XKR9: variants seen among roughly 807,000 people sequenced by gnomAD.
The protein encoded by XKR9 is XK-related protein 9.
In XKR9, 32 loss-of-function variants were observed where a neutral mutation model predicts 32.0. That is an observed-to-expected ratio of 1.00 (90% CI 0.76 to 1.34). XKR9 has a LOEUF of 1.34. Among genes scored for constraint, XKR9 ranks in the 40% most tolerant of loss-of-function variants. The probability of loss-of-function intolerance (pLI) is 0.00; values close to 1 mark genes in which losing one functional copy is unlikely to be tolerated. For missense variants in XKR9, 546 were observed against 429.7 expected, an observed-to-expected ratio of 1.27 and a Z score of -2.39; for synonymous variants, 168 against 143.4, an observed-to-expected ratio of 1.17 and a Z score of -1.22.
the XKR9 span, among the ~76,000 whole-genome samples, chr8:70,907,968 T>C: frequency 1.3e-5 from 2 of 152,234 alleles, no homozygotes; most frequent in East Asian, 3.8e-4. Flanking sequence ...AATTGTTTTT[T>C]CATGACAATT....
rs556958808 is a variant in XKR9, at chr8:70,710,699, A to G, written c.493+3546A>G. ...AACCTGGGTGACAGAGCGAGACTCC[A>G]TCTCAAACAACAACAACAACAACAA... On this transcript the variant is annotated intron_variant, in intron 4 of 4. Coordinates refer to ENST00000408926, the MANE Select transcript of XKR9 (RefSeq NM_001011720.2). Among the ~76,000 whole-genome samples, 57 of 133,476 alleles carry G rather than the reference A, an allele frequency of 4.3e-4. 2 individuals are homozygous for G. The South Asian group carries it at 9.8e-3, about 23-fold the overall frequency. The allele number at this position is 133,476 out of a possible 152,430, so 87.6% of individuals were successfully genotyped here.
the XKR9 span, among the ~76,000 whole-genome samples, chr8:70,896,621 A>G: frequency 6.6e-6 from 1 of 151,610 alleles, no homozygotes; most frequent in Admixed American, 6.6e-5. Flanking sequence ...ACCAGCTTTC[A>G]GTTCATTGAT....
chr8:70,798,920 G>A, the XKR9 span, among the ~76,000 whole-genome samples: 1 of 152,116 alleles, frequency 6.6e-6, no homozygotes, highest in African/African-American at 2.4e-5. Flanking sequence ...GTCTGTTTTT[G>A]TACCAGTACC....
chr8:70,727,899 C>T (rs1806529426), intron 4 of XKR9, among the ~76,000 whole-genome samples: 1 of 151,656 alleles, frequency 6.6e-6, no homozygotes, highest in Non-Finnish European at 1.5e-5. Context: ...AAGTGCAGGT[C>T]TGCAAAATAT....
chr8:70,722,615 A>G (rs1382866634), intron 4 of XKR9, among the ~76,000 whole-genome samples: 2 of 152,186 alleles, frequency 1.3e-5, no homozygotes, highest in Non-Finnish European at 2.9e-5. Context: ...AAAATGTTGA[A>G]TATTGGCTCC....
the XKR9 span, among the ~76,000 whole-genome samples, chr8:70,845,641 A>T: frequency 1.3e-5 from 2 of 152,190 alleles, no homozygotes; most frequent in Non-Finnish European, 2.9e-5. Context: ...TCAATGAATG[A>T]AACAAAAAAG....
chr8:70,767,562 G>C, intron 2 of XKR9, among the ~76,000 whole-genome samples: 1 of 129,844 alleles, frequency 7.7e-6, no homozygotes, highest in East Asian at 2.5e-4. Context: ...GCAGTGGTAT[G>C]ATCTTGGTTC....
chr8:70,992,470 C>T, the XKR9 span, among the ~76,000 whole-genome samples: 1 of 152,136 alleles, frequency 6.6e-6, no homozygotes, highest in African/African-American at 2.4e-5. Context: ...ATTATTACTT[C>T]AAGCATTGTG....
intron 2 of XKR9, chr8:70,678,231 T>G (rs1669711462): frequency 6.6e-6 from 1 of 152,224 alleles, no homozygotes; most frequent in African/African-American, 2.4e-5. Context: ...TATGCTTTAT[T>G]TTTTCCATAG....
At chr8:70,975,321 C>G in the XKR9 span, among the ~76,000 whole-genome samples, 1 of 152,172 alleles carries the variant, frequency 6.6e-6, no homozygotes, top group African/African-American at 2.4e-5. Context: ...TTGCCCATGC[C>G]TATGTCCTGA....
the XKR9 span, among the ~76,000 whole-genome samples, chr8:71,017,734 A>T: frequency 2.2e-3 from 329 of 152,330 alleles, no homozygotes; most frequent in Middle Eastern, 0.034. Flanking sequence ...TCATGAGCTC[A>T]TGAGCTCGGG....
At chr8:70,981,735 A>T in the XKR9 span, among the ~76,000 whole-genome samples, 1 of 152,074 alleles carries the variant, frequency 6.6e-6, no homozygotes, top group Non-Finnish European at 1.5e-5. Context: ...ATATTACCAG[A>T]ATTGTTTTTT....
At chr8:71,020,082 G>A in the XKR9 span, among the ~76,000 whole-genome samples, 1 of 152,118 alleles carries the variant, frequency 6.6e-6, no homozygotes, top group Non-Finnish European at 1.5e-5. Context: ...AAGTTTTGGG[G>A]TTAAGACTAC....
intron 3 of XKR9, among the ~76,000 whole-genome samples, chr8:70,689,176 C>G (rs1425024424): frequency 6.6e-6 from 1 of 151,892 alleles, no homozygotes; most frequent in Non-Finnish European, 1.5e-5. Flanking sequence ...GACCATCTAC[C>G]CAGTAGAATA....
chr8:71,002,970 G>T, the XKR9 span, among the ~76,000 whole-genome samples: 18 of 152,228 alleles, frequency 1.2e-4, no homozygotes, highest in African/African-American at 4.1e-4. Flanking sequence ...TGCAGGCTGT[G>T]AGGAGATGAC....
the XKR9 span, among the ~76,000 whole-genome samples, chr8:70,943,910 A>G: frequency 6.6e-6 from 1 of 152,122 alleles, no homozygotes; most frequent in Non-Finnish European, 1.5e-5. Flanking sequence ...TAGTAAAGTT[A>G]TATTCTGGTT....
At chr8:70,912,822 A>G in the XKR9 span, among the ~76,000 whole-genome samples, 52 of 152,148 alleles carry the variant, frequency 3.4e-4, 1 homozygote, top group Non-Finnish European at 3.8e-4. Flanking sequence ...CACAGAAGCC[A>G]GGGGAATTTC....
intron 2 of XKR9, among the ~76,000 whole-genome samples, chr8:70,759,149 CA>C (rs1390790168): frequency 6.6e-6 from 1 of 152,112 alleles, no homozygotes; most frequent in Non-Finnish European, 1.5e-5. Flanking sequence ...AGTTTTTCAT[CA>C]AAAATGGGTT....
At chr8:70,853,137 A>T in the XKR9 span, among the ~76,000 whole-genome samples, 1 of 152,116 alleles carries the variant, frequency 6.6e-6, no homozygotes, top group Non-Finnish European at 1.5e-5. Context: ...TAAGTGAAAT[A>T]AGCAGGCACA....
Sources: gnomAD v4.1 joint callset for allele counts (sites outside exome capture counted in the v4.1 genomes callset) on GRCh38, gnomAD v4.1.1 for gene constraint, MANE v1.5 for transcripts, NCBI Gene and HGNC (gene_info 2026-07-23, HGNC 2026-07-21) for gene names.